ZNF559: variants seen among roughly 807,000 people sequenced by gnomAD.
ZNF559 encodes the protein putative protein product of Nbla00121.
In ZNF559, 17 loss-of-function variants were observed where a neutral mutation model predicts 14.2. That is an observed-to-expected ratio of 1.20 (90% CI 0.82 to 1.80). The LOEUF (loss-of-function observed/expected upper bound fraction) is 1.80. Among genes scored for constraint, ZNF559 ranks in the 40% most tolerant of loss-of-function variants. The pLI is 0.00. For synonymous variants in ZNF559, 244 were observed against 212.4 expected, an observed-to-expected ratio of 1.15 and a Z score of -1.29; for missense variants, 740 against 629.7, an observed-to-expected ratio of 1.18 and a Z score of -1.88.
chr19:9,332,353 G>GTA (rs879680045), intron 2 of ZNF559, among the ~76,000 whole-genome samples: 46 of 97,532 alleles, frequency 4.7e-4, no homozygotes, highest in African/African-American at 1.6e-3. Context: ...GTATGTGTGT[G>GTA]TGTATATATA....
At chr19:9,338,681 G>A in intron 4 of ZNF559, 99 bp downstream of exon 4, 2 of 888,130 alleles carry the variant, frequency 2.3e-6, no homozygotes, top group Non-Finnish European at 3.7e-6. Context: ...AGCAAAGAGG[G>A]TCTGCTTAGG....
chr19:9,337,665 G>A, intron 2 of ZNF559, 131 bp from the exon 3 acceptor site: 1 of 513,680 alleles, frequency 1.9e-6, no homozygotes, highest in Non-Finnish European at 2.9e-6. Context: ...AAACTGCTTT[G>A]ATAATTATAT....
Position 9,342,563 on chromosome 19 carries a change from A to T in ZNF559, c.1112A>T (p.His371Leu), listed in dbSNP as rs759177682. Residue 371 changes from histidine (H) to leucine (L), a missense_variant, in exon 7 of 7, where the codon CAT becomes CTT. Transcript: ENST00000603380. Reference protein sequence around the residue: ...AFANSSHLTVHMRTHTGEKPY... With the variant: ...AFANSSHLTVLMRTHTGEKPY... ...GCTAACTCTTCACATCTTACTGTAC[A>T]TATGAGAACTCACACTGGTGAGAAG... 2 of 1,614,168 alleles carry T rather than the reference A, an allele frequency of 1.2e-6. No homozygotes were observed. Among genetic ancestry groups the T allele is most frequent in the South Asian group, 2.2e-5 (2 of 91,074 alleles).
chr19:9,324,276 A>T (rs961048671), intron 1 of ZNF559, 48 bp downstream of exon 1: 2 of 1,535,782 alleles, frequency 1.3e-6, no homozygotes, highest in African/African-American at 2.7e-5. Flanking sequence ...CGGTGCAGCC[A>T]CGCGAGAGTA....
intron 2 of ZNF559, among the ~76,000 whole-genome samples, chr19:9,331,048 C>G (rs1032648791): frequency 1.3e-5 from 2 of 152,326 alleles, no homozygotes; most frequent in African/African-American, 4.8e-5. Flanking sequence ...CTTCTCTTCT[C>G]TCTCTCTCCA....
At chr19:9,325,108 A>T (rs1437666493) in intron 2 of ZNF559, among the ~76,000 whole-genome samples, 3 of 152,174 alleles carry the variant, frequency 2.0e-5, no homozygotes, top group Non-Finnish European at 4.4e-5. Context: ...GAATGCGAAG[A>T]TAACTTTTGA....
At chr19:9,340,966 T>C (rs1230246486) in intron 5 of ZNF559, 136 bp from the exon 6 acceptor site, 11 of 700,234 alleles carry the variant, frequency 1.6e-5, no homozygotes, top group Non-Finnish European at 2.2e-5. Flanking sequence ...AATTTATGTT[T>C]CCCGTTCTTT....
At chr19:9,339,074 A>G in intron 4 of ZNF559, 119 bp from the exon 5 acceptor site, 1 of 1,393,910 alleles carries the variant, frequency 7.2e-7, no homozygotes, top group Non-Finnish European at 1.0e-6. Context: ...AGTGAGGACC[A>G]TCAAGTGATA....
Position 9,342,566 on chromosome 19 carries a change from T to C in ZNF559, c.1115T>C (p.Met372Thr), listed in dbSNP as rs201570925. The change falls in exon 7 of 7, where the codon ATG (methionine) becomes ACG (threonine). Residue 372 changes from methionine to threonine, a missense_variant. Physicochemically the swap from Met to Thr is moderately conservative, Grantham distance 81. Coordinates refer to ENST00000603380, the MANE Select transcript of ZNF559 (RefSeq NM_032497.3). ...FANSSHLTVH[M>T]RTHTGEKPYQ... ...AACTCTTCACATCTTACTGTACATATGAGAACTCACACTGGTGAGAAGCCT... is the reference window on the plus strand; with the variant it reads ...AACTCTTCACATCTTACTGTACATACGAGAACTCACACTGGTGAGAAGCCT... 3.7e-6 allele frequency: 6 copies of C among 1,613,790 alleles called. No individual in the cohort carries two copies. The highest frequency in any genetic ancestry group is 2.2e-5 in the East Asian group (1 of 44,856).
intron 1 of ZNF559, 121 bp downstream of exon 1, chr19:9,324,349 C>A: frequency 6.6e-7 from 1 of 1,516,910 alleles, no homozygotes; most frequent in South Asian, 1.2e-5. Context: ...TCGGGCATTT[C>A]GAGCATCTTG....
At chr19:9,338,980 T>C (rs1009790223) in intron 4 of ZNF559, among the ~76,000 whole-genome samples, 1 of 152,188 alleles carries the variant, frequency 6.6e-6, no homozygotes, top group South Asian at 2.1e-4. Context: ...TGCTGAGATA[T>C]ATTCAGTTAG....
At chr19:9,338,011 C>G (rs1401283284) in intron 3 of ZNF559, 153 bp downstream of exon 3, 2 of 1,535,928 alleles carry the variant, frequency 1.3e-6, no homozygotes, top group Non-Finnish European at 1.7e-6. Flanking sequence ...TGGTCTTTCC[C>G]TTTGTGGTAA....
Position 9,336,389 on chromosome 19 carries a change from C to T in ZNF559, c.-119-1407C>T, listed in dbSNP as rs373745204. On this transcript the variant is annotated intron_variant, in intron 2 of 6. Coordinates refer to ENST00000603380, the MANE Select transcript of ZNF559 (RefSeq NM_032497.3). Reference sequence around the variant, plus strand: ...GGCGGATCACCTGAGGTTGGGAGTTCGAGACCAGCCTGACCAACATAGGGA... The same window carrying T: ...GGCGGATCACCTGAGGTTGGGAGTTTGAGACCAGCCTGACCAACATAGGGA... 2.1e-4 allele frequency among the ~76,000 whole-genome samples: 32 copies of T among 151,934 alleles called. No individual in the cohort carries two copies. The East Asian group carries it at 3.1e-3, about 15-fold the overall frequency.
chr19:9,341,661 ACTT>A (rs776134544), intron 6 of ZNF559, 31 bp from the exon 7 acceptor site: 2 of 1,602,394 alleles, frequency 1.2e-6, no homozygotes, highest in Non-Finnish European at 1.7e-6. Context: ...AATTTGGAAA[ACTT>A]CTATGAACCA....
chr19:9,339,065 G>C, intron 4 of ZNF559, 128 bp from the exon 5 acceptor site: 1 of 1,293,524 alleles, frequency 7.7e-7, no homozygotes, highest in Non-Finnish European at 1.1e-6. Context: ...GGAGAAGAAA[G>C]TGAGGACCAT....
chr19:9,326,381 C>G (rs2066607857), intron 2 of ZNF559, among the ~76,000 whole-genome samples: 1 of 152,084 alleles, frequency 6.6e-6, no homozygotes, highest in Non-Finnish European at 1.5e-5. Context: ...CTGCGTGAAC[C>G]ACCATGCCCC....
intron 2 of ZNF559, among the ~76,000 whole-genome samples, chr19:9,334,343 A>G (rs2067106615): frequency 6.6e-6 from 1 of 152,238 alleles, no homozygotes; most frequent in Non-Finnish European, 1.5e-5. Context: ...TCTGTGCTCA[A>G]AAAGGTTTTT....
intron 2 of ZNF559, among the ~76,000 whole-genome samples, chr19:9,333,781 A>T (rs955366926): frequency 1.3e-5 from 2 of 151,772 alleles, no homozygotes; most frequent in Non-Finnish European, 2.9e-5. Flanking sequence ...TCCAAAATAC[A>T]TTAAGAACTC....
intron 2 of ZNF559, among the ~76,000 whole-genome samples, chr19:9,335,711 T>G (rs942728101): frequency 3.3e-5 from 5 of 152,092 alleles, no homozygotes; most frequent in African/African-American, 1.2e-4. Context: ...ATTTTTGTGG[T>G]TTTTGTAGAG....
Sources: allele counts gnomAD v4.1 joint callset (sites outside exome capture counted in the v4.1 genomes callset), GRCh38; gene constraint gnomAD v4.1.1; transcripts MANE v1.5; gene names NCBI Gene and HGNC (gene_info 2026-07-23, HGNC 2026-07-21).